Variants in AKAP6 observed in about 807,000 individuals in gnomAD.
The protein encoded by AKAP6 is A-kinase anchor protein 6.
A neutral mutation model predicts 188.5 loss-of-function variants in AKAP6; 58 were observed. That is an observed-to-expected ratio of 0.31 (90% CI 0.25 to 0.38). The LOEUF is 0.38. AKAP6 is among the 10% of genes least tolerant of loss of function. The pLI, the probability that AKAP6 is intolerant of heterozygous loss-of-function variation, is 1.00. For missense variants in AKAP6, 2,710 were observed against 2,740.0 expected (o/e 0.99, Z 0.24); for synonymous variants, 989 against 998.6 (o/e 0.99, Z 0.18).
chr14:32,712,721 A>G (rs1211502960), intron 9 of AKAP6, among the ~76,000 whole-genome samples: 1 of 152,084 alleles, frequency 6.6e-6, no homozygotes, highest in Non-Finnish European at 1.5e-5. Context: ...ACTCTGTCAC[A>G]TCTTCAGGCT....
intron 2 of AKAP6, among the ~76,000 whole-genome samples, chr14:32,520,671 A>G (rs543708454): frequency 1.2e-3 from 181 of 152,274 alleles, no homozygotes; most frequent in Non-Finnish European, 2.0e-3. Flanking sequence ...TCTTAAACCA[A>G]TAACAGGCTC....
At chr14:32,373,277 C>G (rs993567188) in intron 1 of AKAP6, 1 of 151,930 alleles carries the variant, frequency 6.6e-6, no homozygotes, top group Admixed American at 6.6e-5. Flanking sequence ...ATTTGGGGAG[C>G]AGAGTTTTTA....
chr14:32,543,413 A>G (rs1014766609), intron 3 of AKAP6, among the ~76,000 whole-genome samples: 1 of 152,176 alleles, frequency 6.6e-6, no homozygotes, highest in East Asian at 1.9e-4. Flanking sequence ...TCCATTGTGG[A>G]TATATGCCAC....
intron 7 of AKAP6, among the ~76,000 whole-genome samples, chr14:32,661,651 G>A (rs7154296): frequency 0.023 from 3,482 of 152,190 alleles, 140 homozygotes; most frequent in African/African-American, 0.078. Context: ...GCCTCAGTCA[G>A]GGACTAGCTA....
intron 1 of AKAP6, among the ~76,000 whole-genome samples, chr14:32,406,422 C>G (rs571045581): frequency 3.9e-5 from 6 of 152,098 alleles, no homozygotes; most frequent in African/African-American, 1.4e-4. Context: ...GTTGGCCAGG[C>G]TGGTCTTGGG....
chr14:32,520,271 A>G (rs922193314), intron 2 of AKAP6, among the ~76,000 whole-genome samples: 5 of 152,222 alleles, frequency 3.3e-5, no homozygotes, highest in African/African-American at 9.6e-5. Context: ...ATACCCTAAC[A>G]TCACAATTAA....
chr14:32,761,253 C>T (rs561378865), intron 11 of AKAP6, among the ~76,000 whole-genome samples: 8 of 152,200 alleles, frequency 5.3e-5, no homozygotes, highest in African/African-American at 1.4e-4. Flanking sequence ...GGTGTTATTT[C>T]CCCATGCTTG....
At chr14:32,716,555 C>T (rs1256072010) in intron 9 of AKAP6, among the ~76,000 whole-genome samples, 4 of 148,684 alleles carry the variant, frequency 2.7e-5, no homozygotes, top group Admixed American at 6.8e-5. Flanking sequence ...ATACTATGTA[C>T]TCTCTCTAAA....
intron 1 of AKAP6, among the ~76,000 whole-genome samples, chr14:32,392,443 A>G (rs1888743320): frequency 6.6e-6 from 1 of 152,176 alleles, no homozygotes; most frequent in Admixed American, 6.6e-5. Flanking sequence ...AAAGAAATAG[A>G]TACAAATGCT....
chr14:32,445,686 C>G (rs1022374258), intron 2 of AKAP6, among the ~76,000 whole-genome samples: 3 of 151,988 alleles, frequency 2.0e-5, no homozygotes, highest in Admixed American at 1.3e-4. Flanking sequence ...CAGTTCTCCC[C>G]TTATTTTCAT....
chr14:32,426,337 T>C (rs1054050286), intron 1 of AKAP6, among the ~76,000 whole-genome samples: 4 of 152,078 alleles, frequency 2.6e-5, no homozygotes, highest in African/African-American at 9.7e-5. Context: ...AAAGAGATTG[T>C]TTCTATAAAG....
At chr14:32,737,958 T>A (rs1475787190) in intron 11 of AKAP6, among the ~76,000 whole-genome samples, 3 of 152,164 alleles carry the variant, frequency 2.0e-5, no homozygotes, top group Non-Finnish European at 4.4e-5. Flanking sequence ...TCCTTTTCTT[T>A]AAGCAATACG....
At chr14:32,498,071 A>C (rs1880417163) in intron 2 of AKAP6, among the ~76,000 whole-genome samples, 1 of 152,196 alleles carries the variant, frequency 6.6e-6, no homozygotes, top group Non-Finnish European at 1.5e-5. Flanking sequence ...GTATAAGTAG[A>C]ATTCACTGAT....
At chr14:32,813,901 G>A (rs2034313545) in intron 12 of AKAP6, among the ~76,000 whole-genome samples, 1 of 150,144 alleles carries the variant, frequency 6.7e-6, no homozygotes, top group Admixed American at 6.6e-5. Flanking sequence ...GCAGGGGGCG[G>A]TTGTTATGTA....
chr14:32,414,739 A>G (rs905572734), intron 1 of AKAP6, among the ~76,000 whole-genome samples: 1 of 152,168 alleles, frequency 6.6e-6, no homozygotes, highest in Non-Finnish European at 1.5e-5. Flanking sequence ...CAAAGCATTG[A>G]GGAAAAATTT....
In AKAP6 at chr14:32,774,109, C is replaced by T. The variant is rs550798042; in HGVS notation, c.3588+216C>T. 15 of 563,258 alleles carry T rather than the reference C, an allele frequency of 2.7e-5. No individual in the cohort carries two copies. The African/African-American group carries it at 2.8e-4, about 11-fold the overall frequency. 34.9% of individuals were successfully genotyped at this position (563,258 alleles called of 1,614,324 possible). ...GAAACTCCATTTGTCATAACACTGA[C>T]ATTTATTTGCTTTATTAAAATTCCT... On this transcript the variant is annotated intron_variant, in intron 12 of 13. Coordinates refer to ENST00000280979, the MANE Select transcript of AKAP6 (RefSeq NM_004274.5).
intron 4 of AKAP6, among the ~76,000 whole-genome samples, chr14:32,548,663 A>T (rs556698675): frequency 1.3e-5 from 2 of 152,346 alleles, no homozygotes; most frequent in African/African-American, 4.8e-5. Flanking sequence ...AGACAGGCAG[A>T]GACAGAGACA....
At chr14:32,417,043 T>C (rs1384801222) in intron 1 of AKAP6, among the ~76,000 whole-genome samples, 1 of 152,128 alleles carries the variant, frequency 6.6e-6, no homozygotes. Flanking sequence ...AGTTTGACTG[T>C]GTTTGCTAGG....
intron 7 of AKAP6, among the ~76,000 whole-genome samples, chr14:32,641,524 T>A (rs1887757880): frequency 6.6e-6 from 1 of 151,650 alleles, no homozygotes. Context: ...TGCTGTTTTT[T>A]AAGTAAAGCT....
Sources: gnomAD v4.1 joint callset for allele counts (sites outside exome capture counted in the v4.1 genomes callset) on GRCh38, gnomAD v4.1.1 for gene constraint, MANE v1.5 for transcripts, NCBI Gene and HGNC (gene_info 2026-07-23, HGNC 2026-07-21) for gene names.